DLGAP1: variants seen among roughly 807,000 people sequenced by gnomAD.
The protein encoded by DLGAP1 is DLG associated protein 1, also known as disks large-associated protein 1.
Under a neutral mutation model 90.8 loss-of-function variants are expected in DLGAP1, and 11 were observed. That is an observed-to-expected ratio of 0.12 (90% CI 0.08 to 0.20). The LOEUF is 0.20. DLGAP1 is among the 10% of genes least tolerant of loss of function. DLGAP1 has a pLI of 1.00. For synonymous variants in DLGAP1, 558 were observed against 540.7 expected (o/e 1.03, Z -0.44); for missense variants, 1,050 against 1,333.8 (o/e 0.79, Z 3.31).
At chr18:4,165,386 T>C (rs1282550192) in intron 1 of DLGAP1, among the ~76,000 whole-genome samples, 6 of 152,070 alleles carry the variant, frequency 3.9e-5, no homozygotes, top group African/African-American at 1.5e-4. Flanking sequence ...AAAACTGTCT[T>C]CAGGAAAGAA....
chr18:3,898,585 A>G (rs1411649733), intron 3 of DLGAP1, among the ~76,000 whole-genome samples: 1 of 152,244 alleles, frequency 6.6e-6, no homozygotes, highest in Non-Finnish European at 1.5e-5. Flanking sequence ...AGGTTGCAGC[A>G]TATGGCTGCA....
chr18:4,367,083 C>G (rs990970750), intron 1 of DLGAP1, among the ~76,000 whole-genome samples: 11 of 142,852 alleles, frequency 7.7e-5, no homozygotes, highest in Admixed American at 5.7e-4. Context: ...GAAAACTGTG[C>G]TAATTTAGTA....
intron 1 of DLGAP1, among the ~76,000 whole-genome samples, chr18:4,237,315 T>A (rs1457730433): frequency 6.6e-6 from 1 of 152,198 alleles, no homozygotes; most frequent in African/African-American, 2.4e-5. Flanking sequence ...TATACCTAGT[T>A]CTTTTTGGGG....
intron 3 of DLGAP1, among the ~76,000 whole-genome samples, chr18:3,944,724 T>A (rs2072842902): frequency 1.3e-5 from 2 of 152,246 alleles, no homozygotes; most frequent in Admixed American, 1.3e-4. Flanking sequence ...CCTTTTAGAA[T>A]GTTGTGAAGG....
In DLGAP1 at chr18:4,171,731, A is replaced by G. The variant is rs1489063310; in HGVS notation, c.-266-20444T>C. 3.3e-5 allele frequency among the ~76,000 whole-genome samples: 5 copies of G among 152,344 alleles called. No individual in the cohort carries two copies. The Middle Eastern group carries it at 0.014, about 415-fold the overall frequency. On this transcript the variant is annotated intron_variant, in intron 1 of 12. Transcript: ENST00000315677. ...AAATTCACTCATAAACCTAGCTTTC[A>G]GTGTTCTCTAATATCGAAGAGCACA...
At chr18:3,592,959 T>C (rs1312105598) in intron 7 of DLGAP1, among the ~76,000 whole-genome samples, 1 of 148,652 alleles carries the variant, frequency 6.7e-6, no homozygotes, top group African/African-American at 2.5e-5. Flanking sequence ...TGATCTCACA[T>C]ATGTGAAAGA....
chr18:4,154,990 G>A (rs951437995), intron 1 of DLGAP1, among the ~76,000 whole-genome samples: 3 of 152,136 alleles, frequency 2.0e-5, no homozygotes, highest in Non-Finnish European at 2.9e-5. Context: ...GGTGAAACAT[G>A]CTATAGATGT....
At chr18:4,386,923 G>T (rs959034631) in intron 1 of DLGAP1, among the ~76,000 whole-genome samples, 2 of 152,178 alleles carry the variant, frequency 1.3e-5, no homozygotes, top group African/African-American at 4.8e-5. Flanking sequence ...TATAAAATCT[G>T]TGGAGCATGA....
At chr18:4,215,718 T>G (rs1350513823) in intron 1 of DLGAP1, among the ~76,000 whole-genome samples, 2 of 152,130 alleles carry the variant, frequency 1.3e-5, no homozygotes, top group African/African-American at 4.8e-5. Flanking sequence ...ATTGGCAGAT[T>G]TTTAAAACTC....
At chr18:4,418,093 AT>A (rs2082943515) in intron 1 of DLGAP1, among the ~76,000 whole-genome samples, 1 of 152,166 alleles carries the variant, frequency 6.6e-6, no homozygotes, top group African/African-American at 2.4e-5. Flanking sequence ...TACTAGAGGA[AT>A]TTGAAACCTA....
chr18:3,519,563 C>T (rs1331798472), intron 10 of DLGAP1, among the ~76,000 whole-genome samples: 2 of 152,168 alleles, frequency 1.3e-5, no homozygotes, highest in Non-Finnish European at 2.9e-5. Flanking sequence ...GATAGTGTCT[C>T]CTCCAAAATA....
At chr18:3,940,299 C>A (rs1304023382) in intron 3 of DLGAP1, among the ~76,000 whole-genome samples, 1 of 152,204 alleles carries the variant, frequency 6.6e-6, no homozygotes, top group Admixed American at 6.5e-5. Context: ...TTACTGTAAC[C>A]TCATGAGAGA....
intron 3 of DLGAP1, among the ~76,000 whole-genome samples, chr18:3,922,091 G>A (rs1015243678): frequency 5.3e-5 from 8 of 152,056 alleles, no homozygotes; most frequent in African/African-American, 1.9e-4. Flanking sequence ...TGAGGCAAGT[G>A]GTCATCAGTA....
intron 1 of DLGAP1, among the ~76,000 whole-genome samples, chr18:4,303,652 C>T (rs2143307700): frequency 6.6e-6 from 1 of 152,308 alleles, no homozygotes; most frequent in South Asian, 2.1e-4. Context: ...CCTAACTCAT[C>T]ATCTCAATCC....
chr18:3,812,093 C>T (rs555877077), intron 5 of DLGAP1, among the ~76,000 whole-genome samples: 24 of 152,246 alleles, frequency 1.6e-4, no homozygotes, highest in African/African-American at 5.3e-4. Flanking sequence ...TGGAGGTTGC[C>T]GGTTTAAGTG....
At chr18:4,100,310 T>G (rs1013454161) in intron 2 of DLGAP1, among the ~76,000 whole-genome samples, 1 of 152,212 alleles carries the variant, frequency 6.6e-6, no homozygotes, top group African/African-American at 2.4e-5. Context: ...ATCAGAGCTC[T>G]TGGGTGAACA....
intron 10 of DLGAP1, among the ~76,000 whole-genome samples, chr18:3,518,963 T>C (rs2051006884): frequency 6.6e-6 from 1 of 152,226 alleles, no homozygotes; most frequent in Non-Finnish European, 1.5e-5. Context: ...GTGTCACTGA[T>C]TGGTGAATAA....
At chr18:4,222,198 C>T (rs896545918) in intron 1 of DLGAP1, among the ~76,000 whole-genome samples, 5 of 152,144 alleles carry the variant, frequency 3.3e-5, no homozygotes, top group Non-Finnish European at 7.4e-5. Flanking sequence ...ATTTCTGACA[C>T]ATATATCCAA....
At chr18:3,682,715 G>A (rs1263518091) in intron 7 of DLGAP1, among the ~76,000 whole-genome samples, 2 of 152,260 alleles carry the variant, frequency 1.3e-5, no homozygotes, top group Non-Finnish European at 2.9e-5. Context: ...AGCCCTCTGA[G>A]GACTGGTGTG....
Sources: gnomAD v4.1 joint callset for allele counts (sites outside exome capture counted in the v4.1 genomes callset) on GRCh38, gnomAD v4.1.1 for gene constraint, MANE v1.5 for transcripts, NCBI Gene and HGNC (gene_info 2026-07-23, HGNC 2026-07-21) for gene names.